The following ANKH variants were observed in gnomAD, a reference collection of about 807,000 sequenced individuals.
ANKH encodes the protein ANKH inorganic pyrophosphate transport regulator.
Under a neutral mutation model 49.0 loss-of-function variants are expected in ANKH, and 15 were observed. That is an observed-to-expected ratio of 0.31 (90% CI 0.20 to 0.47). ANKH has a LOEUF of 0.47. Ranked by LOEUF, ANKH falls within the 20% of genes least tolerant of loss-of-function variation. ANKH has a pLI of 1.00. For missense variants in ANKH, 429 were observed against 652.0 expected (o/e 0.66, Z 3.72); for synonymous variants, 273 against 260.0 (o/e 1.05, Z -0.48).
intron 1 of ANKH, among the ~76,000 whole-genome samples, chr5:14,815,634 A>G (rs1741012174): frequency 6.6e-6 from 1 of 152,074 alleles, no homozygotes; most frequent in Non-Finnish European, 1.5e-5. Context: ...ATGACAAAGT[A>G]CTCGTTCGCC....
chr5:14,812,848 C>G (rs1740926803), intron 1 of ANKH, among the ~76,000 whole-genome samples: 1 of 152,130 alleles, frequency 6.6e-6, no homozygotes, highest in Admixed American at 6.5e-5. Context: ...AACTGACTGT[C>G]TATCTAGAAA....
intron 5 of ANKH, among the ~76,000 whole-genome samples, chr5:14,750,655 A>T (rs1490219803): frequency 1.3e-5 from 2 of 152,236 alleles, no homozygotes; most frequent in Admixed American, 1.3e-4. Context: ...GGGATTGGCC[A>T]TTGAAGAAAG....
intron 1 of ANKH, among the ~76,000 whole-genome samples, chr5:14,858,765 A>G (rs1171411573): frequency 6.7e-6 from 1 of 148,164 alleles, no homozygotes; most frequent in African/African-American, 2.5e-5. Context: ...AAATAAAATA[A>G]AATAAAATAT....
chr5:14,756,472 G>C (rs538927182), intron 3 of ANKH, among the ~76,000 whole-genome samples: 2 of 152,216 alleles, frequency 1.3e-5, no homozygotes, highest in Non-Finnish European at 2.9e-5. Flanking sequence ...GGGAGCAGAC[G>C]AAAAGCCCGA....
rs1371941394 is a variant in ANKH, at chr5:14,745,018, G to C, written c.915+852C>G. Among the ~76,000 whole-genome samples, 2 of 152,210 alleles carry C rather than the reference G, an allele frequency of 1.3e-5. No individual in the cohort carries two copies. The highest frequency in any genetic ancestry group is 2.9e-5 in the Non-Finnish European group (2 of 68,040). ...GAGCGCTGTGGACACCCCTGGCCAG[G>C]AGGCTTCCTCTCCTCACTTCACAGG... On this transcript the variant is annotated intron_variant, in intron 7 of 11. Transcript: ENST00000284268. The surrounding 1 kb of genome is among the most constrained non-coding windows in gnomAD (Gnocchi z 4.7).
intron 1 of ANKH, among the ~76,000 whole-genome samples, chr5:14,793,058 A>ATAAAAATATATATAT (rs145425597): frequency 3.5e-5 from 3 of 85,410 alleles, no homozygotes; most frequent in African/African-American, 4.7e-5. Context: ...AAATATATAT[A>ATAAAAATATATATAT]AAATATATAT....
intron 8 of ANKH, chr5:14,741,454 C>A (rs153933): frequency 0.27 from 67,812 of 253,526 alleles, 12,231 homozygotes; most frequent in African/African-American, 0.59. Context: ...TACTGGGGAA[C>A]ACTGAAGTAA....
chr5:14,795,411 T>G (rs1029610312), intron 1 of ANKH, among the ~76,000 whole-genome samples: 3 of 152,226 alleles, frequency 2.0e-5, no homozygotes, highest in African/African-American at 7.2e-5. Flanking sequence ...ACGTTGTGGT[T>G]CTTAAACTCA....
At chr5:14,722,285 C>A (rs551072694) in intron 8 of ANKH, among the ~76,000 whole-genome samples, 1 of 152,316 alleles carries the variant, frequency 6.6e-6, no homozygotes, top group Admixed American at 6.5e-5. Context: ...GAACAAGAGT[C>A]GTTCCTCTGA....
rs538952732 is a variant in ANKH, at chr5:14,712,979, G to T, written c.1266-6C>A. 6.2e-6 allele frequency: 10 copies of T among 1,610,958 alleles called. No homozygotes were observed. In the South Asian group the frequency reaches 1.1e-4, roughly 18 times the overall value. On this transcript the variant is annotated splice_polypyrimidine_tract_variant and splice_region_variant and intron_variant, in intron 10 of 11. Coordinates refer to ENST00000284268, the MANE Select transcript of ANKH (RefSeq NM_054027.6). Reference sequence around the variant, plus strand: ...CCAGGGTCGCACCGTGCACCCTGCAGATGAGAACACAAAGGCAATTTGTCT... The same window carrying T: ...CCAGGGTCGCACCGTGCACCCTGCATATGAGAACACAAAGGCAATTTGTCT...
In ANKH at chr5:14,709,476, G is replaced by C. The variant is rs1737074858; in HGVS notation, c.*1721C>G. On this transcript the variant is annotated 3_prime_UTR_variant, in exon 12 of 12. Transcript: ENST00000284268. ...CACCCCATCAGCACTGGGTACCCAG[G>C]AATGTGAATGCAACCCTGGCATGTT... 1.3e-5 allele frequency: 2 copies of C among 152,222 alleles called. No homozygotes were observed. Among genetic ancestry groups the C allele is most frequent in the African/African-American group, 4.8e-5 (2 of 41,446 alleles). The allele number at this position is 152,222 out of a possible 1,614,324, so 9.4% of individuals were successfully genotyped here. A position where few individuals can be genotyped will look rare whatever the true frequency, so the allele number is the denominator to read the frequency against.
At chr5:14,865,593 C>T (rs556488523) in intron 1 of ANKH, among the ~76,000 whole-genome samples, 18 of 152,296 alleles carry the variant, frequency 1.2e-4, no homozygotes, top group African/African-American at 3.9e-4. Context: ...TTAAGGCAAG[C>T]TCTTAAGCAC....
chr5:14,740,079 C>G (rs1474185519), intron 8 of ANKH, among the ~76,000 whole-genome samples: 2 of 152,150 alleles, frequency 1.3e-5, no homozygotes, highest in African/African-American at 2.4e-5. Context: ...CGGTAAAGCT[C>G]TCCATCAGAT....
intron 1 of ANKH, among the ~76,000 whole-genome samples, chr5:14,821,594 C>G (rs1316166860): frequency 9.2e-5 from 14 of 152,206 alleles, no homozygotes; most frequent in Admixed American, 9.2e-4. Flanking sequence ...ATCTTCACTG[C>G]CCATACTAAA....
At position 14,733,042 on chromosome 5, in the gene ANKH, G is replaced by A. The variant is rs10475024; in HGVS notation, c.1011+8785C>T. Among the ~76,000 whole-genome samples the A allele has an allele frequency of 9.4e-3, 1,431 of 152,258 alleles. 9 individuals are homozygous for A. Among genetic ancestry groups the A allele is most frequent in the African/African-American group, 0.012 (499 of 41,554 alleles). The stretch of plus-strand genomic sequence containing the variant: ...AGATCAGTGGTGTCAGCTCCAGTTC[G>A]TGCACCCTGGCCCTCTGGAAACTTC... On this transcript the variant is annotated intron_variant, in intron 8 of 11. Transcript: ENST00000284268.
In ANKH at chr5:14,821,889, C is replaced by CT. The variant is rs200415937; in HGVS notation, c.96+49462dup. Among the ~76,000 whole-genome samples the CT allele has an allele frequency of 8.2e-4, 124 of 151,594 alleles. 2 individuals carry two copies. In the East Asian group the frequency reaches 0.021, roughly 26 times the overall value. ...CATTAGATCAGTGTTTGGGTTTTTC[C>CT]TTTTTTTTTCCATAAAAATAAAGTT... On this transcript the variant is annotated intron_variant, in intron 1 of 11. Transcript: ENST00000284268.
chr5:14,796,374 C>G (rs896213441), intron 1 of ANKH, among the ~76,000 whole-genome samples: 1 of 150,670 alleles, frequency 6.6e-6, no homozygotes, highest in African/African-American at 2.4e-5. Flanking sequence ...TATCGATTCA[C>G]TCTTCTCAAC....
intron 2 of ANKH, among the ~76,000 whole-genome samples, chr5:14,765,749 C>A (rs936249082): frequency 2.0e-5 from 3 of 152,214 alleles, no homozygotes; most frequent in African/African-American, 7.2e-5. Context: ...TTTTAGTGCT[C>A]TTTGACCTGA....
intron 1 of ANKH, among the ~76,000 whole-genome samples, chr5:14,861,297 C>T (rs1366590065): frequency 1.3e-5 from 2 of 152,170 alleles, no homozygotes; most frequent in African/African-American, 4.8e-5. Flanking sequence ...AAGCTGATAA[C>T]CACAAAGCTG....
Sources: allele counts gnomAD v4.1 joint callset (sites outside exome capture counted in the v4.1 genomes callset), GRCh38; gene constraint gnomAD v4.1.1; non-coding constraint Gnocchi (gnomAD v3.1); transcripts MANE v1.5; gene names NCBI Gene and HGNC (gene_info 2026-07-23, HGNC 2026-07-21).